Variants in FNIP1 observed in about 807,000 individuals in gnomAD.
The protein encoded by FNIP1 is folliculin-interacting protein 1.
A neutral mutation model predicts 124.5 loss-of-function variants in FNIP1; 40 were observed. The ratio of observed to expected loss-of-function variants is 0.32; its 90% CI spans 0.25 to 0.42. The LOEUF is 0.42. Among genes scored for constraint, FNIP1 ranks in the 10% least tolerant of loss-of-function variants. The pLI is 1.00. For synonymous variants in FNIP1, 472 were observed against 470.6 expected (o/e 1.00, Z -0.04); for missense variants, 1,176 against 1,403.7 (o/e 0.84, Z 2.59).
chr5:131,795,797 CTTTTT>C (rs1175519291), intron 1 of FNIP1: 7 of 151,824 alleles, frequency 4.6e-5, no homozygotes, highest in African/African-American at 1.4e-4. Flanking sequence ...GACAGATTCT[CTTTTT>C]TTATTTTTAT....
At chr5:131,777,127 A>T (rs1020400868) in intron 1 of FNIP1, among the ~76,000 whole-genome samples, 1 of 151,820 alleles carries the variant, frequency 6.6e-6, no homozygotes, top group African/African-American at 2.4e-5. Flanking sequence ...ATTATTCTGA[A>T]GCTACTATAC....
intron 4 of FNIP1, 112 bp from the exon 5 acceptor site, chr5:131,719,172 G>T: frequency 1.7e-6 from 2 of 1,150,500 alleles, no homozygotes; most frequent in Non-Finnish European, 2.5e-6. Context: ...AGCTGCAAGA[G>T]CCATGAAGTA....
chr5:131,733,742 T>C (rs1437018101), intron 2 of FNIP1, among the ~76,000 whole-genome samples: 1 of 152,262 alleles, frequency 6.6e-6, no homozygotes, highest in Non-Finnish European at 1.5e-5. Flanking sequence ...AGTATTTTAT[T>C]GAGGATTTCT....
At chr5:131,647,226 A>C (rs560857927) in intron 16 of FNIP1, 21 bp from the exon 17 acceptor site, 1 of 1,587,450 alleles carries the variant, frequency 6.3e-7, no homozygotes, top group South Asian at 1.1e-5. Context: ...GGAGGAACCA[A>C]GAACCAGGTC....
chr5:131,763,336 G>A (rs550428724), intron 1 of FNIP1, among the ~76,000 whole-genome samples: 1 of 147,178 alleles, frequency 6.8e-6, no homozygotes, highest in Admixed American at 6.7e-5. Flanking sequence ...CGACTACAAT[G>A]GCCAGCAAAA....
intron 13 of FNIP1, among the ~76,000 whole-genome samples, chr5:131,673,338 G>A (rs552275999): frequency 7.4e-4 from 113 of 152,080 alleles, no homozygotes; most frequent in South Asian, 6.2e-3. Flanking sequence ...TTACAGGCGT[G>A]AGCCACCATG....
At chr5:131,719,145 CAG>C (rs1436742429) in intron 4 of FNIP1, 85 bp from the exon 5 acceptor site, 1 of 1,353,174 alleles carries the variant, frequency 7.4e-7, no homozygotes, top group South Asian at 1.2e-5. Context: ...GTGTAAGTCA[CAG>C]AGGTTTCACA....
At chr5:131,719,900 G>T (rs572809545) in intron 3 of FNIP1, among the ~76,000 whole-genome samples, 2 of 152,122 alleles carry the variant, frequency 1.3e-5, no homozygotes, top group African/African-American at 4.8e-5. Flanking sequence ...TTGTATTTCT[G>T]TAAAGACATA....
chr5:131,669,917 C>A (rs1305390353), intron 15 of FNIP1, among the ~76,000 whole-genome samples: 295 of 132,328 alleles, frequency 2.2e-3, no homozygotes, highest in Middle Eastern at 3.9e-3. Flanking sequence ...TACAATGAGT[C>A]AAAAAAAAAA....
intron 2 of FNIP1, among the ~76,000 whole-genome samples, chr5:131,742,170 T>C (rs1770533084): frequency 6.6e-6 from 1 of 152,190 alleles, no homozygotes; most frequent in Non-Finnish European, 1.5e-5. Flanking sequence ...TCAATAAAAG[T>C]TTTGGTAAAT....
At chr5:131,658,381 T>A (rs1291939478) in intron 15 of FNIP1, among the ~76,000 whole-genome samples, 1 of 152,110 alleles carries the variant, frequency 6.6e-6, no homozygotes, top group East Asian at 1.9e-4. Context: ...CCTTAATTAT[T>A]CCTGGGGTAT....
At chr5:131,664,423 C>A (rs1259619734) in intron 15 of FNIP1, among the ~76,000 whole-genome samples, 1 of 151,840 alleles carries the variant, frequency 6.6e-6, no homozygotes, top group Non-Finnish European at 1.5e-5. Flanking sequence ...TCACTTGAGG[C>A]TCCAGAGTTC....
chr5:131,702,729 T>C (rs913947337), intron 10 of FNIP1, among the ~76,000 whole-genome samples: 2 of 152,234 alleles, frequency 1.3e-5, no homozygotes, highest in African/African-American at 4.8e-5. Context: ...TTACTATACA[T>C]ATTTGTATCG....
chr5:131,699,983 T>C (rs148282925), intron 10 of FNIP1, among the ~76,000 whole-genome samples: 153 of 143,228 alleles, frequency 1.1e-3, no homozygotes, highest in Admixed American at 8.7e-3. Flanking sequence ...GTGTTAGTAA[T>C]ATTTGCTTTT....
Position 131,670,649 on chromosome 5 carries a change from C to A in FNIP1, c.2940-18G>T. 1 of 1,563,760 alleles carries A rather than the reference C, an allele frequency of 6.4e-7. No homozygotes were observed. The highest frequency in any genetic ancestry group is 8.6e-7 in the Non-Finnish European group (1 of 1,159,762). ...ACTTTGACCTGGAAGAAAAATGCCCCCAAAAGACATTTATTTAGTAATAAA... is the reference window on the plus strand; with the variant it reads ...ACTTTGACCTGGAAGAAAAATGCCCACAAAAGACATTTATTTAGTAATAAA... On this transcript the variant is annotated intron_variant, in intron 14 of 17. Transcript: ENST00000510461.
intron 8 of FNIP1, among the ~76,000 whole-genome samples, chr5:131,707,270 G>A (rs1183676935): frequency 2.0e-5 from 3 of 152,136 alleles, no homozygotes; most frequent in African/African-American, 7.2e-5. Flanking sequence ...TTTTCATCAG[G>A]CTTTTCCCCA....
chr5:131,796,931 G>A lies in FNIP1; in HGVS notation c.-10C>T. 6.3e-7 allele frequency: 1 copy of A among 1,594,246 alleles called. No individual in the cohort carries two copies. Among genetic ancestry groups the A allele is most frequent in the Non-Finnish European group, 8.5e-7 (1 of 1,171,002 alleles). ...ACAGCGTAGGGGCCATGCTAGCCAC[G>A]GCCAGGCAGGGGTCGCTCCGCTGGG... On this transcript the variant is annotated 5_prime_UTR_variant, in exon 1 of 18. Transcript: ENST00000510461.
chr5:131,783,485 A>G (rs1172446355), intron 1 of FNIP1, among the ~76,000 whole-genome samples: 1 of 152,092 alleles, frequency 6.6e-6, no homozygotes, highest in Non-Finnish European at 1.5e-5. Flanking sequence ...TGAAAGATCA[A>G]TACGGGAGAC....
At chr5:131,743,045 C>T (rs547928539) in intron 2 of FNIP1, among the ~76,000 whole-genome samples, 17 of 151,792 alleles carry the variant, frequency 1.1e-4, no homozygotes, top group East Asian at 1.9e-4. Flanking sequence ...AATACACATA[C>T]GAATACAGCT....
Sources: gnomAD v4.1 joint callset for allele counts (sites outside exome capture counted in the v4.1 genomes callset) on GRCh38, gnomAD v4.1.1 for gene constraint, MANE v1.5 for transcripts, NCBI Gene and HGNC (gene_info 2026-07-23, HGNC 2026-07-21) for gene names.